The following TLE2 variants were observed in gnomAD, a reference collection of about 807,000 sequenced individuals.
TLE2 encodes TLE family member 2, transcriptional corepressor.
In TLE2, 74 loss-of-function variants were observed where a neutral mutation model predicts 97.2. That is an observed-to-expected ratio of 0.76 (90% CI 0.63 to 0.92). The LOEUF is 0.92. Ranked by LOEUF, TLE2 falls within the 40% of genes least tolerant of loss-of-function variation. TLE2 has a pLI of 0.00. For synonymous variants in TLE2, 499 were observed against 432.1 expected (o/e 1.15, Z -1.92); for missense variants, 1,038 against 1,008.7 (o/e 1.03, Z -0.39).
At chr19:3,047,496 G>A (rs1183787137), upstream of TLE2, 1 of 120,616 alleles carries the variant, frequency 8.3e-6, no homozygotes, top group African/African-American at 3.1e-5. Flanking sequence ...TTGTGGGGGT[G>A]TCGGGCTTGT....
At position 3,013,831 on chromosome 19, in the gene TLE2, A is replaced by C. The variant is rs1161052630; in HGVS notation, c.724-13T>G. 1.3e-6 allele frequency: 2 copies of C among 1,517,180 alleles called. No homozygotes were observed. Among genetic ancestry groups the C allele is most frequent in the African/African-American group, 2.9e-5 (2 of 69,276 alleles). The allele number at this position is 1,517,180 out of a possible 1,614,324, so 94.0% of individuals were successfully genotyped here. On this transcript the variant is annotated splice_polypyrimidine_tract_variant and intron_variant, in intron 10 of 19. Coordinates refer to ENST00000262953, the MANE Select transcript of TLE2 (RefSeq NM_003260.5). Reference sequence around the variant, plus strand: ...CTGAGGGTTGGTCCTGGGTTTGAGGAGGTGACGTTGAGCAGAGTTGAAATG... The same window carrying C: ...CTGAGGGTTGGTCCTGGGTTTGAGGCGGTGACGTTGAGCAGAGTTGAAATG...
intron 17 of TLE2, 138 bp from the exon 18 acceptor site, chr19:3,002,641 A>G: frequency 1.0e-6 from 1 of 1,001,658 alleles, no homozygotes; most frequent in South Asian, 1.6e-5. Flanking sequence ...AGGGCTCAAG[A>G]GATCCTCCTG....
At chr19:3,009,787 A>T in intron 12 of TLE2, 85 bp from the exon 13 acceptor site, 2 of 1,506,950 alleles carry the variant, frequency 1.3e-6, no homozygotes, top group Non-Finnish European at 1.8e-6. Flanking sequence ...CTGGCCTTTC[A>T]TTTAGAGTTT....
At chr19:3,009,242 C>T (rs1440219025) in intron 13 of TLE2, among the ~76,000 whole-genome samples, 3 of 152,202 alleles carry the variant, frequency 2.0e-5, no homozygotes, top group Non-Finnish European at 4.4e-5. Flanking sequence ...TCCAGCCCCT[C>T]CCAGGACAAA....
At chr19:3,014,692 G>A (rs756385373) in intron 9 of TLE2, 78 bp from the exon 10 acceptor site, 1 of 1,379,234 alleles carries the variant, frequency 7.3e-7, no homozygotes, top group African/African-American at 1.5e-5. Context: ...TCAGGAGTTG[G>A]AGGCATGAGC....
intron 1 of TLE2, among the ~76,000 whole-genome samples, chr19:3,037,704 T>A (rs1568255142): frequency 1.3e-5 from 2 of 152,156 alleles, no homozygotes; most frequent in African/African-American, 4.8e-5. Context: ...ACTGGGCGGC[T>A]GGGGGAGAAG....
chr19:3,027,669 C>G (rs948097121), intron 4 of TLE2, among the ~76,000 whole-genome samples, 160 bp downstream of exon 4: 6 of 152,170 alleles, frequency 3.9e-5, no homozygotes, highest in Non-Finnish European at 5.9e-5. Flanking sequence ...AATCTGTCTT[C>G]CTGGTCCCAG....
intron 18 of TLE2, among the ~76,000 whole-genome samples, 190 bp from the exon 19 acceptor site, chr19:3,000,913 C>G (rs2089344107): frequency 1.3e-5 from 2 of 151,100 alleles, no homozygotes; most frequent in African/African-American, 4.9e-5. Context: ...GCAGCCTCCA[C>G]CACCTGGACT....
At chr19:3,001,299 G>A (rs2089353370) in intron 18 of TLE2, among the ~76,000 whole-genome samples, 1 of 151,450 alleles carries the variant, frequency 6.6e-6, no homozygotes. Context: ...ATTTTTTGTA[G>A]AGTTGGGATC....
chr19:3,020,084 A>C, intron 5 of TLE2: 1 of 359,042 alleles, frequency 2.8e-6, no homozygotes, highest in Non-Finnish European at 5.2e-6. Context: ...GGAGTTCGAG[A>C]CCAGCCTGGC....
At chr19:3,008,507 A>G (rs377403375) in intron 14 of TLE2, among the ~76,000 whole-genome samples, 11 of 151,048 alleles carry the variant, frequency 7.3e-5, no homozygotes, top group African/African-American at 2.7e-4. Flanking sequence ...CTGGAGTGCA[A>G]TGGCACGGTC....
At chr19:3,022,927 C>T (rs1200661852) in intron 5 of TLE2, among the ~76,000 whole-genome samples, 2 of 152,022 alleles carry the variant, frequency 1.3e-5, no homozygotes, top group South Asian at 2.1e-4. Context: ...CATGAGTGGG[C>T]GTGGCTATGT....
intron 18 of TLE2, 116 bp from the exon 19 acceptor site, chr19:3,000,839 T>TC (rs2089342241): frequency 1.4e-6 from 1 of 726,214 alleles, no homozygotes. Context: ...TTTTTTTTTT[T>TC]TTCCAAGAAA....
chr19:3,025,557 G>T, intron 4 of TLE2: 2 of 987,642 alleles, frequency 2.0e-6, no homozygotes, highest in Non-Finnish European at 1.2e-6. Context: ...TGATCTACCA[G>T]CTGGGGATGC....
At chr19:3,007,684 C>T (rs1008978554) in intron 14 of TLE2, among the ~76,000 whole-genome samples, 5 of 152,152 alleles carry the variant, frequency 3.3e-5, no homozygotes, top group African/African-American at 9.7e-5. Context: ...TTCGTTCAAC[C>T]GAGGACCCAC....
intron 5 of TLE2, among the ~76,000 whole-genome samples, chr19:3,020,888 C>G (rs1366358076): frequency 6.6e-6 from 1 of 151,220 alleles, no homozygotes; most frequent in Non-Finnish European, 1.5e-5. Context: ...GAGTTCAAGA[C>G]CAGCCTGGCC....
chr19:3,026,597 C>T (rs2089948773), intron 4 of TLE2, among the ~76,000 whole-genome samples: 2 of 83,206 alleles, frequency 2.4e-5, no homozygotes, highest in East Asian at 4.2e-4. Context: ...ATCTCTGAAC[C>T]CTGAGGTCAA....
chr19:2,997,980 A>G (rs781286645), intron 19 of TLE2, 25 bp from the exon 20 acceptor site: 2 of 1,558,820 alleles, frequency 1.3e-6, no homozygotes, highest in African/African-American at 2.7e-5. Context: ...GAGAGAGAAA[A>G]GGGCACAGTG....
rs1186679074 is a variant in TLE2 at position 3,011,003 on chromosome 19, C to T, written c.1012+19G>A. The T allele has an allele frequency of 6.3e-7, 1 of 1,596,496 alleles. No homozygotes were observed. The highest frequency in any genetic ancestry group is 1.8e-5 in the Admixed American group (1 of 57,054). ...GACGAGGCCTGCTCCAGACAGGCAC[C>T]AACAGGCAAGGTGCTCACCGACGCT... is the stretch of plus-strand genomic sequence containing the variant. On this transcript the variant is annotated intron_variant, in intron 12 of 19. Transcript: ENST00000262953.
Sources: allele counts gnomAD v4.1 joint callset (sites outside exome capture counted in the v4.1 genomes callset), GRCh38; gene constraint gnomAD v4.1.1; transcripts MANE v1.5; gene names NCBI Gene and HGNC (gene_info 2026-07-23, HGNC 2026-07-21).